Variants in GRM3 observed in about 807,000 individuals in gnomAD.
GRM3 encodes the protein metabotropic glutamate receptor 3.
In GRM3, 26 loss-of-function variants were observed where a neutral mutation model predicts 70.5. That is an observed-to-expected ratio of 0.37 (90% CI 0.27 to 0.51). GRM3 has a LOEUF of 0.51. Among genes scored for constraint, GRM3 ranks in the 20% least tolerant of loss-of-function variants. The probability of loss-of-function intolerance (pLI) is 0.93; values close to 1 mark genes in which losing one functional copy is unlikely to be tolerated. For missense variants in GRM3, 859 were observed against 1,123.8 expected (o/e 0.76, Z 3.37); for synonymous variants, 443 against 434.9 (o/e 1.02, Z -0.23).
At chr7:86,816,908 G>A (rs1446824656) in intron 3 of GRM3, among the ~76,000 whole-genome samples, 1 of 150,646 alleles carries the variant, frequency 6.6e-6, no homozygotes, top group African/African-American at 2.5e-5. Flanking sequence ...TAAACTGACA[G>A]GAAATAGATT....
At chr7:86,838,557 T>A (rs1798501800) in intron 3 of GRM3, among the ~76,000 whole-genome samples, 2 of 152,196 alleles carry the variant, frequency 1.3e-5, no homozygotes, top group Non-Finnish European at 2.9e-5. Context: ...TGACTACATG[T>A]TTGTAAATCC....
chr7:86,717,364 T>C (rs1480591563), intron 1 of GRM3, among the ~76,000 whole-genome samples: 1 of 152,016 alleles, frequency 6.6e-6, no homozygotes, highest in East Asian at 1.9e-4. Flanking sequence ...ATGACTTTTA[T>C]TTAAATTCAT....
At chr7:86,686,109 C>T (rs1260553928) in intron 1 of GRM3, among the ~76,000 whole-genome samples, 2 of 152,012 alleles carry the variant, frequency 1.3e-5, no homozygotes, top group East Asian at 3.9e-4. Context: ...AACCATTAAA[C>T]CCCTGGACAA....
chr7:86,742,468 G>A (rs1347367209), intron 1 of GRM3, among the ~76,000 whole-genome samples: 2 of 152,096 alleles, frequency 1.3e-5, no homozygotes, highest in Non-Finnish European at 2.9e-5. Flanking sequence ...TGAAGACAGA[G>A]TGAAAAGGTC....
chr7:86,804,589 T>G (rs1797748837), intron 3 of GRM3, among the ~76,000 whole-genome samples: 1 of 152,096 alleles, frequency 6.6e-6, no homozygotes, highest in Non-Finnish European at 1.5e-5. Context: ...TTTTGTATTT[T>G]TAATAGAGAC....
intron 4 of GRM3, among the ~76,000 whole-genome samples, chr7:86,843,606 G>A (rs567799405): frequency 6.6e-6 from 1 of 152,306 alleles, no homozygotes; most frequent in East Asian, 1.9e-4. Flanking sequence ...ATTCAGCCAT[G>A]TTTGAGTGGA....
chr7:86,861,621 A>G (rs966172246), intron 5 of GRM3, among the ~76,000 whole-genome samples: 2 of 152,188 alleles, frequency 1.3e-5, no homozygotes, highest in African/African-American at 2.4e-5. Context: ...ACATTCCTAG[A>G]GAGGCAAAGG....
At chr7:86,824,138 A>G (rs976017591) in intron 3 of GRM3, among the ~76,000 whole-genome samples, 1 of 152,124 alleles carries the variant, frequency 6.6e-6, no homozygotes, top group African/African-American at 2.4e-5. Flanking sequence ...CTTATCTTTT[A>G]ATAGCTATGA....
intron 1 of GRM3, among the ~76,000 whole-genome samples, chr7:86,689,398 AAAT>A (rs1473041201): frequency 2.0e-5 from 3 of 152,086 alleles, no homozygotes; most frequent in Non-Finnish European, 4.4e-5. Flanking sequence ...AGATTAAATA[AAAT>A]AATGAAATAC....
intron 1 of GRM3, among the ~76,000 whole-genome samples, chr7:86,728,474 T>C (rs954862200): frequency 6.6e-6 from 1 of 152,212 alleles, no homozygotes; most frequent in African/African-American, 2.4e-5. Flanking sequence ...TATAGTCAAC[T>C]CAGCCTCATC....
intron 1 of GRM3, among the ~76,000 whole-genome samples, chr7:86,697,827 C>T (rs1170981219): frequency 1.3e-5 from 2 of 151,968 alleles, no homozygotes; most frequent in African/African-American, 4.8e-5. Flanking sequence ...AAAAGAGATA[C>T]CAGAACCCAT....
intron 1 of GRM3, among the ~76,000 whole-genome samples, chr7:86,707,524 A>G (rs578067475): frequency 1.3e-4 from 20 of 152,152 alleles, no homozygotes; most frequent in African/African-American, 4.3e-4. Context: ...AAGTTATCTG[A>G]CATCAACTTG....
chr7:86,691,250 T>C (rs1170580554), intron 1 of GRM3, among the ~76,000 whole-genome samples: 1 of 152,158 alleles, frequency 6.6e-6, no homozygotes, highest in East Asian at 1.9e-4. Flanking sequence ...ATTGCCTGGA[T>C]CTCTTTACCA....
chr7:86,779,567 A>G (rs1486068989), intron 2 of GRM3, among the ~76,000 whole-genome samples: 1 of 152,262 alleles, frequency 6.6e-6, no homozygotes, highest in African/African-American at 2.4e-5. Flanking sequence ...TTCAGAGATT[A>G]ACGAGAGTTC....
chr7:86,741,426 G>T (rs966657451), intron 1 of GRM3, among the ~76,000 whole-genome samples: 3 of 152,272 alleles, frequency 2.0e-5, no homozygotes, highest in African/African-American at 7.2e-5. Flanking sequence ...TTCCACACAT[G>T]GGGCAGAGAT....
rs534701116 is a variant in GRM3, at chr7:86,798,518, G to A, written c.1324+11402G>A. Among the ~76,000 whole-genome samples, 12 of 152,294 alleles carry A rather than the reference G, an allele frequency of 7.9e-5. No homozygotes were observed. In the East Asian group the frequency reaches 2.3e-3, roughly 29 times the overall value. On this transcript the variant is annotated intron_variant, in intron 3 of 5. Coordinates refer to ENST00000361669, the MANE Select transcript of GRM3 (RefSeq NM_000840.3). ...TACTTTTCCCATTTGAAATGGGTGTGTATAACAAATGCCTGTACCCCCATT... is the reference window on the plus strand; with the variant it reads ...TACTTTTCCCATTTGAAATGGGTGTATATAACAAATGCCTGTACCCCCATT...
chr7:86,747,743 T>C (rs1055467501), intron 1 of GRM3, among the ~76,000 whole-genome samples: 1 of 152,108 alleles, frequency 6.6e-6, no homozygotes, highest in African/African-American at 2.4e-5. Context: ...TAAATGTAAC[T>C]ATAATCAGCT....
At chr7:86,760,151 C>T (rs1796443525) in intron 1 of GRM3, among the ~76,000 whole-genome samples, 1 of 152,072 alleles carries the variant, frequency 6.6e-6, no homozygotes, top group Non-Finnish European at 1.5e-5. Context: ...GGCATTTTAT[C>T]TCCCAGGTAG....
chr7:86,713,623 C>T (rs1795248727), intron 1 of GRM3, among the ~76,000 whole-genome samples: 1 of 151,938 alleles, frequency 6.6e-6, no homozygotes, highest in Non-Finnish European at 1.5e-5. Flanking sequence ...GAGCTTGTTT[C>T]CCTGTTCTTG....
Sources: gnomAD v4.1 joint callset for allele counts (sites outside exome capture counted in the v4.1 genomes callset) on GRCh38, gnomAD v4.1.1 for gene constraint, MANE v1.5 for transcripts, NCBI Gene and HGNC (gene_info 2026-07-23, HGNC 2026-07-21) for gene names.